The following DMBT1 variants were observed in gnomAD, a reference collection of about 807,000 sequenced individuals.
DMBT1 encodes the protein scavenger receptor cysteine-rich domain-containing protein DMBT1.
A neutral mutation model predicts 252.9 loss-of-function variants in DMBT1; 198 were observed. The ratio of observed to expected loss-of-function variants is 0.78; its 90% CI spans 0.70 to 0.88. The LOEUF is 0.88. Among genes scored for constraint, DMBT1 ranks in the 40% least tolerant of loss-of-function variants. The probability of loss-of-function intolerance (pLI) is 0.00; values close to 1 mark genes in which losing one functional copy is unlikely to be tolerated. For synonymous variants in DMBT1, 990 were observed against 942.7 expected (o/e 1.05, Z -0.92); for missense variants, 2,432 against 2,404.7 (o/e 1.01, Z -0.24).
At chr10:122,565,934 A>G in intron 1 of DMBT1, 33 bp from the exon 2 acceptor site, 2 of 1,611,302 alleles carry the variant, frequency 1.2e-6, no homozygotes, top group Middle Eastern at 1.7e-4. Flanking sequence ...ATTTCTAAAC[A>G]GTGTTTCTAA....
At chr10:122,561,777 A>T (rs1591086680) in intron 1 of DMBT1, among the ~76,000 whole-genome samples, 1 of 140,410 alleles carries the variant, frequency 7.1e-6, no homozygotes, top group Non-Finnish European at 1.5e-5. Flanking sequence ...TGCCCCCCTC[A>T]CTGTATCTTC....
chr10:122,634,368 C>CTTTCTT (rs1555030078), intron 52 of DMBT1, among the ~76,000 whole-genome samples: 1,266 of 126,556 alleles, frequency 0.01, 16 homozygotes, highest in Admixed American at 0.014. Context: ...TTCTTTCTTT[C>CTTTCTT]TTTCTTTCTT....
At chr10:122,617,707 GC>G (rs1365010798) in intron 40 of DMBT1, among the ~76,000 whole-genome samples, 3 of 151,626 alleles carry the variant, frequency 2.0e-5, no homozygotes, top group Non-Finnish European at 4.4e-5. Context: ...GCCAGCATGG[GC>G]CTGCTCTCTG....
intron 50 of DMBT1, 82 bp downstream of exon 50, chr10:122,631,957 G>A: frequency 6.7e-7 from 1 of 1,482,940 alleles, no homozygotes; most frequent in Non-Finnish European, 9.4e-7. Context: ...AGGGCATGTT[G>A]CTCACTCTCC....
At chr10:122,579,227 A>T (rs914361884) in intron 9 of DMBT1, among the ~76,000 whole-genome samples, 14 of 152,114 alleles carry the variant, frequency 9.2e-5, no homozygotes, top group African/African-American at 3.4e-4. Flanking sequence ...GTACTCTGCC[A>T]GTCAGATCCC....
rs1451936816 is a variant in DMBT1 at position 122,634,444 on chromosome 10, C to T, written c.6548+1103C>T. On this transcript the variant is annotated intron_variant, in intron 52 of 55. Transcript: ENST00000338354. ...CTCTCTCTCTCTTCTCTCTCTCTCT[C>T]TCTCTCTCTCTCTCTCTCTCTCTCT... Among the ~76,000 whole-genome samples, 3 of 66,276 alleles carry T rather than the reference C, an allele frequency of 4.5e-5. No individual in the cohort carries two copies. In the South Asian group the frequency reaches 1.9e-3, roughly 41 times the overall value. The allele number at this position is 66,276 out of a possible 152,430, so 43.5% of individuals were successfully genotyped here.
Position 122,620,156 on chromosome 10 carries a change from AAT to A in DMBT1, c.5246-95_5246-94del, listed in dbSNP as rs2098049133. ...AGCAAGTGGCAGGAACCAGAAATTG[AAT>A]AGTTTTCATGATGCTTGCCTGGTTC... On this transcript the variant is annotated intron_variant, in intron 42 of 55. Coordinates refer to ENST00000338354, the MANE Select transcript of DMBT1 (RefSeq NM_001377530.1). 9 of 1,304,336 alleles carry A rather than the reference AAT, an allele frequency of 6.9e-6. 1 individual carries two copies. The East Asian group carries it at 2.1e-4, about 30-fold the overall frequency. The allele number at this position is 1,304,336 out of a possible 1,614,324, so 80.8% of individuals were successfully genotyped here. A position where few individuals can be genotyped will look rare whatever the true frequency, so the allele number is the denominator to read the frequency against.
chr10:122,628,148 C>T (rs1463199318), intron 46 of DMBT1, among the ~76,000 whole-genome samples: 1 of 152,160 alleles, frequency 6.6e-6, no homozygotes, highest in Non-Finnish European at 1.5e-5. Flanking sequence ...CACCATATGA[C>T]CCAGCAGTTG....
At chr10:122,573,904 G>T in intron 6 of DMBT1, 142 bp downstream of exon 6, 1 of 994,728 alleles carries the variant, frequency 1.0e-6, no homozygotes, top group Non-Finnish European at 1.6e-6. Context: ...AAGGCCTCAG[G>T]TCTGAACAGG....
Position 122,643,552 on chromosome 10 carries a change from C to T in DMBT1, c.*154C>T. On this transcript the variant is annotated 3_prime_UTR_variant, in exon 56 of 56. Transcript: ENST00000338354. ...GTTGAATCAGACCTGGTTCCCGCCTCCCCCAAGGCTCATGGTCCTTGGAGG... is the reference window on the plus strand; with the variant it reads ...GTTGAATCAGACCTGGTTCCCGCCTTCCCCAAGGCTCATGGTCCTTGGAGG... 2.7e-6 allele frequency: 3 copies of T among 1,126,340 alleles called. No homozygotes were observed. The highest frequency in any genetic ancestry group is 6.0e-4 in the Middle Eastern group (2 of 3,338). 69.8% of individuals were successfully genotyped at this position (1,126,340 alleles called of 1,614,324 possible).
rs2098115928 is a variant in DMBT1 at position 122,625,951 on chromosome 10, C to G, written c.5654C>G (p.Thr1885Ser). 1 of 1,611,462 alleles carries G rather than the reference C, an allele frequency of 6.2e-7. No individual in the cohort carries two copies. Among genetic ancestry groups the G allele is most frequent in the South Asian group, 1.1e-5 (1 of 91,030 alleles). The change falls in exon 46 of 56, where the codon ACT (threonine) becomes AGT (serine). Residue 1885 changes from threonine to serine, a missense_variant. By Grantham distance (58) the Thr-to-Ser change is moderately conservative. Transcript: ENST00000338354. ...STTTDWWHPT[T>S]TTTARPSSNC... ...TTTCTAGATTGGTGGCATCCAACAACTACAACCACTGCAAGTAGGTATCAC... is the reference window on the plus strand; with the variant it reads ...TTTCTAGATTGGTGGCATCCAACAAGTACAACCACTGCAAGTAGGTATCAC...
intron 1 of DMBT1, among the ~76,000 whole-genome samples, 166 bp from the exon 2 acceptor site, chr10:122,565,801 C>T (rs1275372252): frequency 6.6e-6 from 1 of 152,174 alleles, no homozygotes; most frequent in Non-Finnish European, 1.5e-5. Context: ...TGCTTTAATC[C>T]GCTATTGCAG....
chr10:122,565,884 C>T (rs17748235), intron 1 of DMBT1, 83 bp from the exon 2 acceptor site: 41,890 of 1,368,614 alleles, frequency 0.031, 807 homozygotes, highest in Non-Finnish European at 0.037. Flanking sequence ...TGTGATTGTA[C>T]GGTGAAGCTA....
intron 52 of DMBT1, among the ~76,000 whole-genome samples, chr10:122,634,972 G>A (rs2098214583): frequency 1.3e-5 from 2 of 152,186 alleles, no homozygotes; most frequent in South Asian, 4.1e-4. Context: ...GGGCTTTGGA[G>A]TCTCTGCTTT....
intron 52 of DMBT1, among the ~76,000 whole-genome samples, chr10:122,634,336 G>T (rs112183685): frequency 0.017 from 2,149 of 122,906 alleles, 20 homozygotes; most frequent in Middle Eastern, 0.057. Context: ...ATTACTAAAA[G>T]CACTTTTCTT....
chr10:122,625,397 TG>T (rs1020400089), intron 45 of DMBT1, 94 bp downstream of exon 45: 11 of 1,220,862 alleles, frequency 9.0e-6, no homozygotes, highest in African/African-American at 4.5e-5. Context: ...AGACTCCCCC[TG>T]GGGGGGTAAT....
At position 122,586,969 on chromosome 10, in the gene DMBT1, C is replaced by T. The variant is rs1174760800; in HGVS notation, c.1783+586C>T. Reference sequence around the variant, plus strand: ...GGAGGGCCCAGACAGTTTTCAACCACCAGCTCTTTCTAGGAACTAAGAGAA... The same window carrying T: ...GGAGGGCCCAGACAGTTTTCAACCATCAGCTCTTTCTAGGAACTAAGAGAA... On this transcript the variant is annotated intron_variant, in intron 16 of 55. Transcript: ENST00000338354. Among the ~76,000 whole-genome samples, 2 of 147,882 alleles carry T rather than the reference C, an allele frequency of 1.4e-5. 1 individual carries two copies. The highest frequency in any genetic ancestry group is 3.0e-5 in the Non-Finnish European group (2 of 66,370).
At chr10:122,575,104 T>C (rs1333414964) in intron 6 of DMBT1, among the ~76,000 whole-genome samples, 2 of 152,220 alleles carry the variant, frequency 1.3e-5, no homozygotes, top group Non-Finnish European at 2.9e-5. Context: ...AGTACCTTAC[T>C]TAAAGGGGAA....
rs560609692 is a variant in DMBT1 at position 122,592,519 on chromosome 10, C to A, written c.2424C>A (p.Tyr808Ter). ...TGCGCTGCTCAGGACACGAGTCCTA[C>A]CTGTGGAGCTGCCCCCACAATGGCT... is the stretch of plus-strand genomic sequence containing the variant. ...DDVRCSGHES[Y>*]LWSCPHNGWL... The change falls in exon 20 of 56, where the codon TAC becomes TAA. Residue 808 changes from tyrosine (Y) to a stop codon, truncating the protein, a stop_gained. Transcript: ENST00000338354. LOFTEE classifies it high-confidence loss of function. 3.8e-6 allele frequency: 6 copies of A among 1,588,212 alleles called. No individual in the cohort carries two copies. In the Admixed American group the frequency reaches 1.0e-4, roughly 27 times the overall value.
Sources: allele counts gnomAD v4.1 joint callset (sites outside exome capture counted in the v4.1 genomes callset), GRCh38; gene constraint gnomAD v4.1.1; transcripts MANE v1.5; gene names NCBI Gene and HGNC (gene_info 2026-07-23, HGNC 2026-07-21).